Variants in GRID1 observed in about 807,000 individuals in gnomAD.
GRID1 encodes the protein glutamate receptor ionotropic, delta-1.
GRID1 carries 28 observed loss-of-function variants against 98.0 expected under a neutral mutation model. That is an observed-to-expected ratio of 0.29 (90% confidence interval 0.21 to 0.39). GRID1 has a LOEUF of 0.39. Ranked by LOEUF, GRID1 falls within the 10% of genes least tolerant of loss-of-function variation. The pLI is 1.00. For missense variants in GRID1, 1,111 were observed against 1,340.5 expected (o/e 0.83, Z 2.67); for synonymous variants, 553 against 538.5 (o/e 1.03, Z -0.37).
At chr10:86,078,250 G>C (rs912577534) in intron 4 of GRID1, among the ~76,000 whole-genome samples, 1 of 152,274 alleles carries the variant, frequency 6.6e-6, no homozygotes, top group Non-Finnish European at 1.5e-5. Context: ...GATGTGCTTA[G>C]CAAAGCCCTG....
At chr10:86,040,176 A>T (rs1843326202) in intron 4 of GRID1, among the ~76,000 whole-genome samples, 1 of 152,126 alleles carries the variant, frequency 6.6e-6, no homozygotes, top group Non-Finnish European at 1.5e-5. Context: ...ATCATGAAAA[A>T]CAGTATGCAG....
At chr10:85,829,619 AAT>A (rs1842850129) in intron 8 of GRID1, among the ~76,000 whole-genome samples, 1 of 152,200 alleles carries the variant, frequency 6.6e-6, no homozygotes, top group Non-Finnish European at 1.5e-5. Context: ...ATACAAAATC[AAT>A]ACACAAAAAT....
chr10:85,672,853 G>C (rs1024404855), intron 12 of GRID1, among the ~76,000 whole-genome samples: 3 of 152,208 alleles, frequency 2.0e-5, no homozygotes, highest in Non-Finnish European at 4.4e-5. Flanking sequence ...CATGGATCAA[G>C]GTATAATTTT....
intron 5 of GRID1, among the ~76,000 whole-genome samples, chr10:85,884,694 G>C (rs774676334): frequency 6.6e-6 from 1 of 152,128 alleles, no homozygotes; most frequent in African/African-American, 2.4e-5. Flanking sequence ...TCATTAAAGA[G>C]ATCAGCCCTG....
At chr10:85,934,660 T>C (rs1365490783) in intron 4 of GRID1, among the ~76,000 whole-genome samples, 1 of 152,184 alleles carries the variant, frequency 6.6e-6, no homozygotes, top group African/African-American at 2.4e-5. Context: ...TCTTTCCTAA[T>C]CCTTTTTTTG....
chr10:85,688,107 A>G (rs1251725126), intron 12 of GRID1, among the ~76,000 whole-genome samples: 1 of 152,226 alleles, frequency 6.6e-6, no homozygotes, highest in Non-Finnish European at 1.5e-5. Context: ...AAGTGAGTAA[A>G]GTATTCCAGG....
At chr10:86,143,405 ACTGT>A (rs768209914) in intron 3 of GRID1, among the ~76,000 whole-genome samples, 6 of 151,854 alleles carry the variant, frequency 4.0e-5, no homozygotes, top group Non-Finnish European at 8.8e-5. Flanking sequence ...AAAAAACCTG[ACTGT>A]CTGCTGCTGC....
At chr10:85,743,105 G>GCCCC (rs4031782) in intron 8 of GRID1, among the ~76,000 whole-genome samples, 4,404 of 81,536 alleles carry the variant, frequency 0.054, 225 homozygotes, top group East Asian at 0.083. Context: ...GAATTATGCA[G>GCCCC]CCCCCCCCCC....
At chr10:86,269,820 A>T (rs1847158557) in intron 2 of GRID1, among the ~76,000 whole-genome samples, 2 of 152,044 alleles carry the variant, frequency 1.3e-5, no homozygotes, top group South Asian at 4.2e-4. Context: ...ACCCACATTT[A>T]TTGACCATCG....
chr10:86,152,318 CA>C, intron 3 of GRID1, among the ~76,000 whole-genome samples: 1 of 152,316 alleles, frequency 6.6e-6, no homozygotes, highest in Middle Eastern at 3.4e-3. Flanking sequence ...AGGATAGCCA[CA>C]GTGGCATTTC....
intron 2 of GRID1, among the ~76,000 whole-genome samples, chr10:86,270,952 A>T (rs1408864269): frequency 6.6e-6 from 1 of 152,186 alleles, no homozygotes; most frequent in African/African-American, 2.4e-5. Flanking sequence ...GGCAGAGTCT[A>T]GCAGATGTCC....
intron 2 of GRID1, among the ~76,000 whole-genome samples, chr10:86,216,516 G>A (rs559665043): frequency 6.6e-6 from 1 of 152,226 alleles, no homozygotes; most frequent in Non-Finnish European, 1.5e-5. Flanking sequence ...CTTGGAATAT[G>A]GGGCCTCCTA....
Position 86,364,107 on chromosome 10 carries a change from G to T in GRID1, c.80-11C>A. 1 of 1,612,462 alleles carries T rather than the reference G, an allele frequency of 6.2e-7. No homozygotes were observed. On this transcript the variant is annotated splice_polypyrimidine_tract_variant and intron_variant, in intron 1 of 15. Transcript: ENST00000327946. ...CCTCGAAGATGGCACCTGGAGGAGA[G>T]AAGGGATCAAGACCGGACCTGGACA...
chr10:86,143,395 A>C (rs1387266090), intron 3 of GRID1, among the ~76,000 whole-genome samples: 3 of 150,246 alleles, frequency 2.0e-5, no homozygotes, highest in East Asian at 2.0e-4. Context: ...CCATCCCCCC[A>C]AAAAACCTGA....
chr10:86,031,344 G>A (rs1348713765), intron 4 of GRID1, among the ~76,000 whole-genome samples: 1 of 152,010 alleles, frequency 6.6e-6, no homozygotes, highest in Non-Finnish European at 1.5e-5. Context: ...CACTTGCAAG[G>A]GGGAACTAAA....
At chr10:86,006,711 TTC>T (rs1161225401) in intron 4 of GRID1, among the ~76,000 whole-genome samples, 1 of 152,114 alleles carries the variant, frequency 6.6e-6, no homozygotes, top group East Asian at 1.9e-4. Flanking sequence ...GATTTTTTTT[TTC>T]TTTATGAACA....
At chr10:85,643,964 C>T (rs1476521938) in intron 13 of GRID1, 2 of 152,150 alleles carry the variant, frequency 1.3e-5, no homozygotes, top group Non-Finnish European at 2.9e-5. Context: ...GAGTGGTTTC[C>T]TAAGTGCCGC....
chr10:85,710,999 A>G (rs765103897), intron 12 of GRID1, among the ~76,000 whole-genome samples: 2 of 152,090 alleles, frequency 1.3e-5, no homozygotes. Flanking sequence ...AATTTGGAGA[A>G]ATTGGATTTC....
At chr10:85,644,201 AGATTAAT>A (rs1843158634) in intron 13 of GRID1, 1 of 152,194 alleles carries the variant, frequency 6.6e-6, no homozygotes, top group African/African-American at 2.4e-5. Context: ...GAGCAGAATG[AGATTAAT>A]GACAACCTTT....
Sources: allele counts gnomAD v4.1 joint callset (sites outside exome capture counted in the v4.1 genomes callset), GRCh38; gene constraint gnomAD v4.1.1; transcripts MANE v1.5; gene names NCBI Gene and HGNC (gene_info 2026-07-23, HGNC 2026-07-21).